Variants in GRIK1 observed in about 807,000 individuals in gnomAD.
GRIK1 encodes the protein glutamate ionotropic receptor kainate type subunit 1, also known as glutamate receptor ionotropic, kainate 1.
GRIK1 carries 69 observed loss-of-function variants against 105.7 expected under a neutral mutation model. The ratio of observed to expected loss-of-function variants is 0.65; its 90% CI spans 0.54 to 0.80. GRIK1 has a LOEUF of 0.80. GRIK1 is among the 30% of genes least tolerant of loss of function. The probability of loss-of-function intolerance (pLI) is 0.00; values close to 1 mark genes in which losing one functional copy is unlikely to be tolerated. For synonymous variants in GRIK1, 438 were observed against 431.3 expected (o/e 1.02, Z -0.19); for missense variants, 1,109 against 1,167.3 (o/e 0.95, Z 0.73).
intron 1 of GRIK1, among the ~76,000 whole-genome samples, chr21:29,718,787 G>A (rs1455257849): frequency 6.6e-6 from 1 of 152,172 alleles, no homozygotes; most frequent in Non-Finnish European, 1.5e-5. Flanking sequence ...AAGAGCTGAT[G>A]TGCATAATCA....
chr21:29,710,576 C>T (rs2064020083), intron 1 of GRIK1, among the ~76,000 whole-genome samples: 1 of 151,874 alleles, frequency 6.6e-6, no homozygotes, highest in East Asian at 1.9e-4. Flanking sequence ...TAGACTGTTA[C>T]CTATTTCAAT....
At chr21:29,837,599 T>C (rs1201755334) in intron 1 of GRIK1, among the ~76,000 whole-genome samples, 2 of 152,224 alleles carry the variant, frequency 1.3e-5, no homozygotes, top group Non-Finnish European at 2.9e-5. Flanking sequence ...TATAGAAGAC[T>C]ACTTTTTGCT....
At chr21:29,910,161 C>T (rs2070766132) in intron 1 of GRIK1, among the ~76,000 whole-genome samples, 1 of 152,044 alleles carries the variant, frequency 6.6e-6, no homozygotes, top group Non-Finnish European at 1.5e-5. Flanking sequence ...TGAATATATA[C>T]ATTTACTATG....
At position 29,562,177 on chromosome 21, in the gene GRIK1, G is replaced by A. The variant is rs185068695; in HGVS notation, c.2131-328C>T. ...TCCTTTCAATCACTCAACTCCAGCA[G>A]GTATTGTTTTGCTGTTTCCAGGTGT... On this transcript the variant is annotated intron_variant, in intron 14 of 17. Coordinates refer to ENST00000327783, the MANE Select transcript of GRIK1 (RefSeq NM_001330994.2). Among the ~76,000 whole-genome samples, 12 of 152,246 alleles carry A rather than the reference G, an allele frequency of 7.9e-5. No homozygotes were observed. The East Asian group carries it at 1.5e-3, about 20-fold the overall frequency.
At chr21:29,825,594 G>A (rs1415662575) in intron 1 of GRIK1, among the ~76,000 whole-genome samples, 2 of 152,004 alleles carry the variant, frequency 1.3e-5, no homozygotes, top group East Asian at 3.9e-4. Flanking sequence ...AGCTACATTT[G>A]ATCATGATGG....
rs1386878970 is a variant in GRIK1 at position 29,689,912 on chromosome 21, C to A, written c.360G>T (p.Gln120His). The A allele has an allele frequency of 6.2e-7, 1 of 1,613,336 alleles. No individual in the cohort carries two copies. Among genetic ancestry groups the A allele is most frequent in the Non-Finnish European group, 8.5e-7 (1 of 1,179,612 alleles). Residue 120 changes from glutamine (Q) to histidine (H), a missense_variant, in exon 3 of 18, where the codon CAG becomes CAT. Gln to His is a conservative substitution (Grantham distance 24). Transcript: ENST00000327783. ...PSHSSSVSAV[Q>H]SICNALEVPH... is the part of the protein sequence containing the mutation. ...GAACTTCGAGAGCATTGCAAATAGA[C>A]TGCACAGCACTGACGGAGGAGCTAT...
At chr21:29,878,233 G>A (rs1180073528) in intron 1 of GRIK1, among the ~76,000 whole-genome samples, 1 of 152,116 alleles carries the variant, frequency 6.6e-6, no homozygotes, top group Non-Finnish European at 1.5e-5. Context: ...AAGACAGCAG[G>A]CAAAAGAGGT....
chr21:29,907,853 T>G (rs1258914017), intron 1 of GRIK1, among the ~76,000 whole-genome samples: 3 of 152,276 alleles, frequency 2.0e-5, no homozygotes, highest in African/African-American at 7.2e-5. Flanking sequence ...CATTAGAAAC[T>G]ATGTCAGTCC....
chr21:29,588,241 A>G (rs2061276222), intron 11 of GRIK1, among the ~76,000 whole-genome samples: 1 of 152,036 alleles, frequency 6.6e-6, no homozygotes, highest in South Asian at 2.1e-4. Flanking sequence ...CCCAAAGTGT[A>G]AAATTCTTAA....
chr21:29,704,212 G>A (rs920453605), intron 1 of GRIK1, among the ~76,000 whole-genome samples: 1 of 152,174 alleles, frequency 6.6e-6, no homozygotes, highest in Non-Finnish European at 1.5e-5. Flanking sequence ...AAAGATGCTT[G>A]GTTCCTGCCC....
intron 1 of GRIK1, among the ~76,000 whole-genome samples, chr21:29,851,912 C>T (rs1228020141): frequency 6.6e-6 from 1 of 152,214 alleles, no homozygotes; most frequent in Admixed American, 6.5e-5. Flanking sequence ...GCACTGACTC[C>T]TGGTATACTG....
At chr21:29,869,543 A>G (rs184095552) in intron 1 of GRIK1, among the ~76,000 whole-genome samples, 1 of 152,372 alleles carries the variant, frequency 6.6e-6, no homozygotes. Flanking sequence ...CCGGCATGAT[A>G]TTTAAGCTGA....
chr21:29,732,478 C>T (rs1265566010), intron 1 of GRIK1, among the ~76,000 whole-genome samples: 1 of 152,120 alleles, frequency 6.6e-6, no homozygotes, highest in Non-Finnish European at 1.5e-5. Flanking sequence ...AAATGGGCAA[C>T]TTAAGTAGAT....
intron 5 of GRIK1, among the ~76,000 whole-genome samples, 198 bp downstream of exon 5, chr21:29,654,608 AGAAG>A (rs1238336824): frequency 6.8e-6 from 1 of 146,504 alleles, no homozygotes; most frequent in Admixed American, 6.8e-5. Context: ...AGAAAAAGAA[AGAAG>A]GAAAGAAAGA....
intron 1 of GRIK1, among the ~76,000 whole-genome samples, chr21:29,921,580 T>C (rs1029313284): frequency 1.3e-5 from 2 of 152,118 alleles, no homozygotes; most frequent in African/African-American, 4.8e-5. Context: ...TCTTTTGAAT[T>C]TGGTTCTCAA....
intron 1 of GRIK1, among the ~76,000 whole-genome samples, chr21:29,728,042 T>A (rs2064514910): frequency 6.6e-6 from 1 of 152,146 alleles, no homozygotes; most frequent in African/African-American, 2.4e-5. Flanking sequence ...CCCACCCACA[T>A]TGAGGAGAGC....
intron 1 of GRIK1, among the ~76,000 whole-genome samples, chr21:29,849,414 A>T (rs1478838515): frequency 6.6e-6 from 1 of 152,230 alleles, no homozygotes; most frequent in Non-Finnish European, 1.5e-5. Context: ...AAATCAGTCG[A>T]GCATCCATCA....
At chr21:29,806,465 G>C (rs1314703470) in intron 1 of GRIK1, among the ~76,000 whole-genome samples, 1 of 151,726 alleles carries the variant, frequency 6.6e-6, no homozygotes, top group African/African-American at 2.4e-5. Flanking sequence ...AATCATTTTG[G>C]CATTATTTTC....
intron 6 of GRIK1, among the ~76,000 whole-genome samples, chr21:29,646,599 C>T (rs897622516): frequency 1.3e-5 from 2 of 152,138 alleles, no homozygotes; most frequent in Non-Finnish European, 2.9e-5. Flanking sequence ...ACTGACGACA[C>T]TATATGGCCT....
Sources: allele counts gnomAD v4.1 joint callset (sites outside exome capture counted in the v4.1 genomes callset), GRCh38; gene constraint gnomAD v4.1.1; transcripts MANE v1.5; gene names NCBI Gene and HGNC (gene_info 2026-07-23, HGNC 2026-07-21).